Variants in IVD observed in about 807,000 individuals in gnomAD.
IVD encodes isovaleryl-CoA dehydrogenase, mitochondrial.
Under a neutral mutation model 51.3 loss-of-function variants are expected in IVD, and 31 were observed. That is an observed-to-expected ratio of 0.60 (90% confidence interval 0.45 to 0.81). IVD has a LOEUF of 0.81. IVD is among the 40% of genes least tolerant of loss of function. The pLI is 0.00. For missense variants in IVD, 475 were observed against 552.0 expected (o/e 0.86, Z 1.40); for synonymous variants, 205 against 219.4 (o/e 0.93, Z 0.58).
intron 1 of IVD, among the ~76,000 whole-genome samples, chr15:40,406,550 T>C (rs889797571): frequency 6.6e-6 from 1 of 152,150 alleles, no homozygotes; most frequent in Non-Finnish European, 1.5e-5. Flanking sequence ...TCCTAGCACT[T>C]TGGGAGGCCG....
At chr15:40,410,994 T>C (rs1184277626) in intron 4 of IVD, among the ~76,000 whole-genome samples, 197 bp downstream of exon 4, 2 of 152,168 alleles carry the variant, frequency 1.3e-5, no homozygotes, top group Non-Finnish European at 2.9e-5. Context: ...AACTCTTGCA[T>C]TGAACAACAG....
At chr15:40,406,191 C>T (rs1450861963) in intron 1 of IVD, 27 of 1,532,126 alleles carry the variant, frequency 1.8e-5, no homozygotes, top group Non-Finnish European at 2.2e-5. Context: ...GATTTGAGAC[C>T]GTGGGACAGT....
exon 9 of IVD, chr15:40,435,469 T>C: frequency 1.6e-6 from 2 of 1,246,624 alleles, no homozygotes; most frequent in African/African-American, 1.5e-5. Context: ...AGACCCGAGG[T>C]CAGACGTCCC....
In IVD at chr15:40,420,058, G is replaced by A. The variant is rs182320281; in HGVS notation, c.*1795G>A. 123 of 837,088 alleles carry A rather than the reference G, an allele frequency of 1.5e-4. 4 individuals are homozygous for A. The African/African-American group carries it at 1.6e-3, about 11-fold the overall frequency. The allele number at this position is 837,088 out of a possible 1,614,324, so 51.9% of individuals were successfully genotyped here. On this transcript the variant is annotated 3_prime_UTR_variant, in exon 12 of 12. Transcript: ENST00000487418. ...GGCAGAGGTTGCAGGAGCTGAGATC[G>A]CGCCATTGCACTCCAGCCTGGGCAA...
intron 7 of IVD, chr15:40,414,468 G>C (rs9672893): frequency 0.017 from 4,028 of 240,846 alleles, 183 homozygotes; most frequent in African/African-American, 0.084. Flanking sequence ...AAGCTTTCAC[G>C]GACTACTCTG....
In IVD at chr15:40,419,219, A is replaced by G; in HGVS notation, c.*956A>G. ...AGCTCCTAGCAGCTTATGAACACATATGCTTGCTTGGCCAGGCAAGGTGGT... is the reference window on the plus strand; with the variant it reads ...AGCTCCTAGCAGCTTATGAACACATGTGCTTGCTTGGCCAGGCAAGGTGGT... On this transcript the variant is annotated 3_prime_UTR_variant, in exon 12 of 12. Transcript: ENST00000487418. 7.8e-7 allele frequency: 1 copy of G among 1,289,370 alleles called. No individual in the cohort carries two copies. Among genetic ancestry groups the G allele is most frequent in the East Asian group, 5.6e-5 (1 of 18,010 alleles). The allele number at this position is 1,289,370 out of a possible 1,614,324, so 79.9% of individuals were successfully genotyped here.
At chr15:40,412,852 A>C in intron 6 of IVD, 139 bp from the exon 7 acceptor site, 1 of 699,584 alleles carries the variant, frequency 1.4e-6, no homozygotes, top group Non-Finnish European at 2.6e-6. Context: ...CGGGGGGAGC[A>C]TGGGACTAGG....
At chr15:40,427,630 C>G (rs2141418889), downstream of IVD, among the ~76,000 whole-genome samples, 1 of 152,290 alleles carries the variant, frequency 6.6e-6, no homozygotes, top group Admixed American at 6.5e-5. Context: ...GCTGGGCATA[C>G]AGTGGGTCTC....
In IVD at chr15:40,410,782, G is replaced by A; in HGVS notation, c.441G>A (p.Glu147=). Reference sequence around the variant, plus strand: ...GCAATGGGAATGAGGCCCAGAAAGAGAAGTATCTCCCGAAGGTGAGGAAAT... The same window carrying A: ...GCAATGGGAATGAGGCCCAGAAAGAAAAGTATCTCCCGAAGGTGAGGAAAT... ...LVRNGNEAQK[E]KYLPKLISGE... Residue 147 remains glutamate, a synonymous_variant, in exon 4 of 12, where the codon GAG becomes GAA. Coordinates refer to ENST00000487418, the MANE Select transcript of IVD (RefSeq NM_002225.5). The A allele has an allele frequency of 6.2e-7, 1 of 1,614,168 alleles. No individual in the cohort carries two copies. The highest frequency in any genetic ancestry group is 8.5e-7 in the Non-Finnish European group (1 of 1,180,040).
At chr15:40,426,963 C>T (rs1416128527), downstream of IVD, among the ~76,000 whole-genome samples, 2 of 152,190 alleles carry the variant, frequency 1.3e-5, no homozygotes, top group Non-Finnish European at 2.9e-5. Flanking sequence ...CAGAGAGCAA[C>T]AATTACGTTT....
intron 6 of IVD, 31 bp downstream of exon 6, chr15:40,411,722 C>T (rs1891109215): frequency 1.2e-6 from 2 of 1,612,270 alleles, no homozygotes; most frequent in South Asian, 2.2e-5. Flanking sequence ...GGCCAGGAGG[C>T]TTCTGCCTCC....
Position 40,415,419 on chromosome 15 carries a change from G to A in IVD, c.897G>A (p.Leu299=), listed in dbSNP as rs751049911. The change falls in exon 9 of 12, where the codon CTG becomes CTA. Residue 299 remains leucine (L), a synonymous_variant. Coordinates refer to ENST00000487418, the MANE Select transcript of IVD (RefSeq NM_002225.5). ...CTGACAGGCTCATGCAAGCGGTCCTGGACCACACCATTCCCTACCTGCACG... is the reference window on the plus strand; with the variant it reads ...CTGACAGGCTCATGCAAGCGGTCCTAGACCACACCATTCCCTACCTGCACG... The part of the protein sequence containing the change: ...GGPLGLMQAV[L]DHTIPYLHVR... 7 of 1,614,130 alleles carry A rather than the reference G, an allele frequency of 4.3e-6. No individual in the cohort carries two copies. The highest frequency in any genetic ancestry group is 5.1e-6 in the Non-Finnish European group (6 of 1,180,008).
rs377685235 is a variant in IVD at position 40,413,098 on chromosome 15, C to T, written c.784+11C>T. 5 of 1,606,928 alleles carry T rather than the reference C, an allele frequency of 3.1e-6. No homozygotes were observed. Among genetic ancestry groups the T allele is most frequent in the Admixed American group, 1.7e-5 (1 of 60,010 alleles). On this transcript the variant is annotated intron_variant, in intron 7 of 11. Transcript: ENST00000487418. Reference sequence around the variant, plus strand: ...ACTGCAAGATTCCTGGTAAGTAGCACCGGGAATCGGGGAGCCCCTCTCCTG... The same window carrying T: ...ACTGCAAGATTCCTGGTAAGTAGCATCGGGAATCGGGGAGCCCCTCTCCTG...
Position 40,405,982 on chromosome 15 carries a change from TG to T in IVD, c.144+12del. ...GAGGAGCAGAGGCAGGTGAGGAGAC[TG>T]ACCCCCTTCCTGGCCCCAAGGCCTC... On this transcript the variant is annotated intron_variant, in intron 1 of 11. Transcript: ENST00000487418. The T allele has an allele frequency of 6.2e-7, 1 of 1,602,214 alleles. No homozygotes were observed. Among genetic ancestry groups the T allele is most frequent in the Non-Finnish European group, 8.5e-7 (1 of 1,174,748 alleles).
At chr15:40,406,864 CT>C (rs920097308) in intron 1 of IVD, among the ~76,000 whole-genome samples, 759 of 138,718 alleles carry the variant, frequency 5.5e-3, no homozygotes, top group Admixed American at 0.011. Flanking sequence ...TTTCTTTTTT[CT>C]TTTTTTTTTT....
rs1419468231 is a variant in IVD, at chr15:40,418,137, T to C, written c.1146T>C (p.Asn382=). 9 of 1,614,020 alleles carry C rather than the reference T, an allele frequency of 5.6e-6. No homozygotes were observed. The highest frequency in any genetic ancestry group is 7.6e-6 in the Non-Finnish European group (9 of 1,180,018). Residue 382 remains asparagine, a synonymous_variant, in exon 12 of 12, where the codon AAT becomes AAC. Coordinates refer to ENST00000487418, the MANE Select transcript of IVD (RefSeq NM_002225.5). ...ALDGIQCFGG[N]GYINDFPMGR... is the part of the protein sequence containing the mutation. ...CCCAAACCCTGGTTGCAGGTGGCAA[T>C]GGCTACATCAATGACTTTCCCATGG... is the stretch of plus-strand genomic sequence containing the variant.
At chr15:40,424,455 A>T (rs11637756), downstream of IVD, 138,875 of 275,466 alleles carry the variant, frequency 0.5, 37,903 homozygotes, top group East Asian at 0.79. Context: ...TCCTTCAGGA[A>T]GACCTCTCTT....
At chr15:40,421,888 G>T (rs1892326759), downstream of IVD, among the ~76,000 whole-genome samples, 1 of 152,196 alleles carries the variant, frequency 6.6e-6, no homozygotes, top group Non-Finnish European at 1.5e-5. Context: ...TAGACCTGGT[G>T]TCAACACACC....
At chr15:40,406,195 G>A (rs1372192498) in intron 1 of IVD, 1 of 1,529,728 alleles carries the variant, frequency 6.5e-7, no homozygotes, top group African/African-American at 1.4e-5. Flanking sequence ...TGAGACCGTG[G>A]GACAGTACTG....
Sources: gnomAD v4.1 joint callset for allele counts (sites outside exome capture counted in the v4.1 genomes callset) on GRCh38, gnomAD v4.1.1 for gene constraint, MANE v1.5 for transcripts, NCBI Gene and HGNC (gene_info 2026-07-23, HGNC 2026-07-21) for gene names.